The following GRIK2 variants were observed in gnomAD, a reference collection of about 807,000 sequenced individuals.
GRIK2 encodes the protein glutamate receptor ionotropic, kainate 2.
Under a neutral mutation model 100.3 loss-of-function variants are expected in GRIK2, and 32 were observed. The observed-to-expected ratio is 0.32, with a 90% CI of 0.24 to 0.43. The LOEUF (loss-of-function observed/expected upper bound fraction) is 0.43, where lower values mean the gene tolerates loss of function less well. Ranked by LOEUF, GRIK2 falls within the 20% of genes least tolerant of loss-of-function variation. GRIK2 has a pLI of 1.00. For synonymous variants in GRIK2, 417 were observed against 389.4 expected, an observed-to-expected ratio of 1.07 and a Z score of -0.83; for missense variants, 843 against 1,114.9, an observed-to-expected ratio of 0.76 and a Z score of 3.47.
At chr6:101,561,056 T>C (rs1461847213) in intron 2 of GRIK2, among the ~76,000 whole-genome samples, 1 of 152,166 alleles carries the variant, frequency 6.6e-6, no homozygotes, top group East Asian at 1.9e-4. Context: ...AGACAAAAGA[T>C]AGCAAACATA....
intron 16 of GRIK2, among the ~76,000 whole-genome samples, chr6:102,067,392 A>G (rs894073183): frequency 6.6e-6 from 1 of 151,724 alleles, no homozygotes; most frequent in African/African-American, 2.4e-5. Flanking sequence ...TGACACACAT[A>G]TGGTCTTAAA....
intron 4 of GRIK2, among the ~76,000 whole-genome samples, chr6:101,655,468 T>C (rs1270936455): frequency 6.6e-6 from 1 of 152,066 alleles, no homozygotes; most frequent in Non-Finnish European, 1.5e-5. Context: ...CACCAAAGAA[T>C]AAAATCCATA....
intron 2 of GRIK2, among the ~76,000 whole-genome samples, chr6:101,421,894 T>A (rs1332977325): frequency 6.6e-6 from 1 of 152,190 alleles, no homozygotes; most frequent in African/African-American, 2.4e-5. Context: ...TGTTAGAAAA[T>A]AATTTGATGG....
intron 12 of GRIK2, among the ~76,000 whole-genome samples, chr6:101,922,036 G>A (rs1229825367): frequency 7.5e-6 from 1 of 132,644 alleles, no homozygotes; most frequent in African/African-American, 2.6e-5. Flanking sequence ...CTTGAAACCA[G>A]TGTCAGTGTT....
intron 7 of GRIK2, among the ~76,000 whole-genome samples, chr6:101,776,203 A>G (rs1778736683): frequency 6.6e-6 from 1 of 152,212 alleles, no homozygotes; most frequent in African/African-American, 2.4e-5. Context: ...AGACCATAAT[A>G]TAAATATTGG....
chr6:101,852,327 A>G (rs1362557701), intron 10 of GRIK2, among the ~76,000 whole-genome samples: 2 of 151,848 alleles, frequency 1.3e-5, no homozygotes, highest in Admixed American at 6.6e-5. Flanking sequence ...TCTTTCCCCT[A>G]CTCTGCAAGG....
chr6:101,615,103 G>A (rs1779833669), intron 2 of GRIK2, among the ~76,000 whole-genome samples: 1 of 151,674 alleles, frequency 6.6e-6, no homozygotes. Context: ...ACAAAGGAGG[G>A]CAATTGTGCC....
chr6:101,898,311 G>C (rs1375994068), intron 12 of GRIK2, among the ~76,000 whole-genome samples: 1 of 151,758 alleles, frequency 6.6e-6, no homozygotes, highest in East Asian at 1.9e-4. Flanking sequence ...ATTCAGAAAA[G>C]CATTTGTATC....
At chr6:101,655,565 G>A (rs1045725386) in intron 4 of GRIK2, among the ~76,000 whole-genome samples, 9 of 152,134 alleles carry the variant, frequency 5.9e-5, no homozygotes, top group African/African-American at 2.2e-4. Context: ...CTTCCTCGTA[G>A]TAAGTTGTCA....
intron 2 of GRIK2, among the ~76,000 whole-genome samples, chr6:101,592,088 T>C: frequency 6.6e-6 from 1 of 151,994 alleles, no homozygotes; most frequent in East Asian, 1.9e-4. Context: ...CTTTGCCTTC[T>C]GCCATGATTG....
chr6:101,825,006 A>C (rs1169028485), intron 10 of GRIK2, among the ~76,000 whole-genome samples: 2 of 152,220 alleles, frequency 1.3e-5, no homozygotes, highest in African/African-American at 2.4e-5. Context: ...TGCCACTGCA[A>C]TAAGTTTTCC....
chr6:102,006,356 A>ATGAT (rs1795224015), intron 14 of GRIK2, among the ~76,000 whole-genome samples: 1 of 145,988 alleles, frequency 6.8e-6, no homozygotes, highest in African/African-American at 2.5e-5. Context: ...TTGAGAAAAG[A>ATGAT]TGATAAACCT....
intron 2 of GRIK2, among the ~76,000 whole-genome samples, chr6:101,538,320 G>A (rs1004749062): frequency 9.9e-5 from 15 of 151,692 alleles, no homozygotes; most frequent in African/African-American, 2.9e-4. Context: ...CTCTGTGTTT[G>A]TATGTGGCAT....
At chr6:102,051,370 G>GC (rs1469062593) in intron 15 of GRIK2, among the ~76,000 whole-genome samples, 2 of 146,318 alleles carry the variant, frequency 1.4e-5, no homozygotes, top group Admixed American at 7.0e-5. Context: ...TTGGCAACTT[G>GC]TAAAAAGATA....
At chr6:101,669,108 TAGA>T (rs1770238542) in intron 4 of GRIK2, among the ~76,000 whole-genome samples, 1 of 152,224 alleles carries the variant, frequency 6.6e-6, no homozygotes, top group Non-Finnish European at 1.5e-5. Flanking sequence ...CCTTTTTTGT[TAGA>T]AGGTTTTGTG....
intron 4 of GRIK2, among the ~76,000 whole-genome samples, chr6:101,671,311 ATTAG>A (rs1296544189): frequency 6.6e-6 from 1 of 152,194 alleles, no homozygotes; most frequent in Non-Finnish European, 1.5e-5. Flanking sequence ...TAAATTCATT[ATTAG>A]TTATTTAATA....
chr6:101,504,257 G>A (rs2128275283), intron 2 of GRIK2, among the ~76,000 whole-genome samples: 1 of 152,192 alleles, frequency 6.6e-6, no homozygotes. Flanking sequence ...GGGATACTAA[G>A]TCTGGCATAA....
At chr6:101,850,046 C>A (rs1235756397) in intron 10 of GRIK2, among the ~76,000 whole-genome samples, 2 of 151,976 alleles carry the variant, frequency 1.3e-5, no homozygotes, top group Non-Finnish European at 2.9e-5. Flanking sequence ...TTGTGGGCTA[C>A]AGCATCCTGT....
intron 2 of GRIK2, among the ~76,000 whole-genome samples, chr6:101,489,822 A>G (rs1253939354): frequency 1.4e-5 from 2 of 146,710 alleles, no homozygotes; most frequent in African/African-American, 2.6e-5. Flanking sequence ...AGGTTAGGCA[A>G]ATATTTTCTT....
Sources: gnomAD v4.1 joint callset for allele counts (sites outside exome capture counted in the v4.1 genomes callset) on GRCh38, gnomAD v4.1.1 for gene constraint, MANE v1.5 for transcripts, NCBI Gene and HGNC (gene_info 2026-07-23, HGNC 2026-07-21) for gene names.